The following TTLL5 variants were observed in gnomAD, a reference collection of about 807,000 sequenced individuals.
The protein encoded by TTLL5 is tubulin tyrosine ligase like 5.
TTLL5 carries 132 observed loss-of-function variants against 168.4 expected under a neutral mutation model. The ratio of observed to expected loss-of-function variants is 0.78; its 90% CI spans 0.68 to 0.91. TTLL5 has a LOEUF of 0.91. Ranked by LOEUF, TTLL5 falls within the 40% of genes least tolerant of loss-of-function variation. TTLL5 has a pLI of 0.00. For missense variants in TTLL5, 1,545 were observed against 1,581.5 expected (o/e 0.98, Z 0.39); for synonymous variants, 546 against 558.6 (o/e 0.98, Z 0.32).
Position 75,766,330 on chromosome 14 carries a change from T to C in TTLL5, c.1977T>C (p.Phe659=), listed in dbSNP as rs1464326200. The C allele has an allele frequency of 6.2e-7, 1 of 1,613,498 alleles. No individual in the cohort carries two copies. Among genetic ancestry groups the C allele is most frequent in the East Asian group, 2.2e-5 (1 of 44,870 alleles). Residue 659 remains phenylalanine, a synonymous_variant, in exon 20 of 32, where the codon TTT becomes TTC. Coordinates refer to ENST00000298832, the MANE Select transcript of TTLL5 (RefSeq NM_015072.5). The part of the protein sequence containing the change: ...KLETQELEPK[F]NLMQILQDNG... ...AGACTCAGGAGCTAGAGCCTAAATT[T>C]AACCTGATGCAGATTCTTCAAGATA...
intron 9 of TTLL5, among the ~76,000 whole-genome samples, chr14:75,715,958 G>A (rs1357177955): frequency 6.6e-6 from 1 of 152,156 alleles, no homozygotes; most frequent in Non-Finnish European, 1.5e-5. Context: ...TACAAGAGAT[G>A]AAAAGCCTCT....
At chr14:75,689,376 A>G (rs1885288022) in intron 5 of TTLL5, 2 of 152,182 alleles carry the variant, frequency 1.3e-5, no homozygotes, top group Admixed American at 6.6e-5. Context: ...TCATAAATAT[A>G]TACTGTTATT....
intron 3 of TTLL5, among the ~76,000 whole-genome samples, chr14:75,680,896 GAGTTAC>G (rs1884559135): frequency 6.6e-6 from 1 of 152,010 alleles, no homozygotes; most frequent in South Asian, 2.1e-4. Flanking sequence ...CAAAGTGCTG[GAGTTAC>G]AGGCGTGAGC....
intron 26 of TTLL5, 67 bp downstream of exon 26, chr14:75,783,597 T>A: frequency 6.4e-7 from 1 of 1,552,394 alleles, no homozygotes; most frequent in Non-Finnish European, 8.7e-7. Context: ...AGAAAGGATG[T>A]CATCTCTTCC....
At chr14:75,894,057 CAAAGAT>C (rs1319239272) in intron 30 of TTLL5, among the ~76,000 whole-genome samples, 1 of 151,998 alleles carries the variant, frequency 6.6e-6, no homozygotes, top group Non-Finnish European at 1.5e-5. Flanking sequence ...TTAGAGATAA[CAAAGAT>C]AAGATACAGG....
chr14:75,882,560 TAA>T, intron 29 of TTLL5, 123 bp from the exon 30 acceptor site: 2 of 783,122 alleles, frequency 2.6e-6, no homozygotes, highest in Non-Finnish European at 3.8e-6. Flanking sequence ...AGTTTTTCCT[TAA>T]AAAAAAAATT....
chr14:75,898,052 T>G (rs925914845), intron 30 of TTLL5, among the ~76,000 whole-genome samples: 5 of 152,254 alleles, frequency 3.3e-5, no homozygotes, highest in African/African-American at 1.2e-4. Context: ...TGTCAAGCTC[T>G]TGATACTTCT....
chr14:75,847,917 C>T (rs917335157), intron 28 of TTLL5, among the ~76,000 whole-genome samples: 2 of 150,774 alleles, frequency 1.3e-5, no homozygotes, highest in East Asian at 1.9e-4. Context: ...GCTGGTGGTC[C>T]GGTAAGAGAA....
chr14:75,930,942 C>T (rs192909913), intron 31 of TTLL5, among the ~76,000 whole-genome samples: 2 of 152,242 alleles, frequency 1.3e-5, no homozygotes, highest in Admixed American at 1.3e-4. Context: ...CCCTTTCTAC[C>T]GCTCTAGCTG....
chr14:75,666,912 T>G (rs1883302332), intron 2 of TTLL5, among the ~76,000 whole-genome samples: 1 of 152,258 alleles, frequency 6.6e-6, no homozygotes, highest in Non-Finnish European at 1.5e-5. Flanking sequence ...TTGTTTTTCA[T>G]GCCTATAAAA....
intron 15 of TTLL5, chr14:75,744,704 T>C (rs1465635810): frequency 6.4e-6 from 1 of 156,814 alleles, no homozygotes; most frequent in Non-Finnish European, 1.4e-5. Context: ...GCTAAAAATA[T>C]ACCCACTGAA....
intron 23 of TTLL5, among the ~76,000 whole-genome samples, chr14:75,778,639 T>C (rs1891861947): frequency 6.6e-6 from 1 of 152,182 alleles, no homozygotes; most frequent in African/African-American, 2.4e-5. Flanking sequence ...TTCTCTGTGA[T>C]AATGCAGGCA....
chr14:75,765,950 GT>G, intron 19 of TTLL5, 111 bp from the exon 20 acceptor site: 1 of 821,142 alleles, frequency 1.2e-6, no homozygotes, highest in Non-Finnish European at 1.9e-6. Context: ...TCTGTGCCTT[GT>G]TTGTGGTTTG....
chr14:75,739,909 C>G (rs1238321213), intron 15 of TTLL5, among the ~76,000 whole-genome samples: 1 of 152,114 alleles, frequency 6.6e-6, no homozygotes, highest in Admixed American at 6.5e-5. Context: ...TGATATTCAC[C>G]TGTTTGTAGT....
intron 7 of TTLL5, among the ~76,000 whole-genome samples, chr14:75,704,296 T>C (rs935416968): frequency 9.2e-5 from 14 of 152,194 alleles, no homozygotes; most frequent in East Asian, 1.9e-4. Flanking sequence ...CCCAGCACTT[T>C]GGGAGGCTGA....
At chr14:75,921,708 G>A (rs1290218895) in intron 31 of TTLL5, among the ~76,000 whole-genome samples, 2 of 152,090 alleles carry the variant, frequency 1.3e-5, no homozygotes, top group Non-Finnish European at 1.5e-5. Flanking sequence ...TTGGCAATGT[G>A]GGCTCTTTTT....
chr14:75,756,116 AGACTTTCTGAT>A (rs1890245394), intron 18 of TTLL5, among the ~76,000 whole-genome samples: 1 of 152,110 alleles, frequency 6.6e-6, no homozygotes, highest in Admixed American at 6.5e-5. Context: ...AATCATTTTG[AGACTTTCTGAT>A]GATTACCTGA....
intron 20 of TTLL5, among the ~76,000 whole-genome samples, chr14:75,769,325 A>G (rs1468366402): frequency 6.6e-6 from 1 of 152,194 alleles, no homozygotes; most frequent in Admixed American, 6.5e-5. Context: ...CAAAACTCTA[A>G]GGATCGCGTC....
chr14:75,867,104 G>C (rs2030581765), intron 29 of TTLL5, among the ~76,000 whole-genome samples: 3 of 152,218 alleles, frequency 2.0e-5, no homozygotes, highest in Admixed American at 2.0e-4. Context: ...AGGCTTTGCA[G>C]GCCATAGCAT....
Sources: allele counts gnomAD v4.1 joint callset (sites outside exome capture counted in the v4.1 genomes callset), GRCh38; gene constraint gnomAD v4.1.1; transcripts MANE v1.5; gene names NCBI Gene and HGNC (gene_info 2026-07-23, HGNC 2026-07-21).